MCF2L: variants seen among roughly 807,000 people sequenced by gnomAD.
MCF2L encodes the protein MCF.2 cell line derived transforming sequence like, also known as guanine nucleotide exchange factor DBS.
In MCF2L, 97 loss-of-function variants were observed where a neutral mutation model predicts 153.4. The ratio of observed to expected loss-of-function variants is 0.63; its 90% CI spans 0.54 to 0.75. The LOEUF (loss-of-function observed/expected upper bound fraction) is 0.75, where lower values mean the gene tolerates loss of function less well. MCF2L is among the 30% of genes least tolerant of loss of function. MCF2L has a pLI of 0.00. For missense variants in MCF2L, 1,347 were observed against 1,495.2 expected, an observed-to-expected ratio of 0.90 and a Z score of 1.64; for synonymous variants, 659 against 632.2, an observed-to-expected ratio of 1.04 and a Z score of -0.64.
At chr13:112,929,436 A>G (rs938902412) in intron 2 of MCF2L, among the ~76,000 whole-genome samples, 4 of 152,174 alleles carry the variant, frequency 2.6e-5, no homozygotes, top group Non-Finnish European at 5.9e-5. Context: ...GGATAAAGCC[A>G]TTTATCTTTT....
chr13:112,976,447 A>G (rs1275868089), intron 1 of MCF2L, among the ~76,000 whole-genome samples: 1 of 152,232 alleles, frequency 6.6e-6, no homozygotes, highest in African/African-American at 2.4e-5. Context: ...GAAACTTGTC[A>G]TGGACAATGA....
intron 4 of MCF2L, among the ~76,000 whole-genome samples, chr13:113,060,090 C>T (rs2141753896): frequency 6.6e-6 from 1 of 152,326 alleles, no homozygotes; most frequent in Middle Eastern, 3.4e-3. Context: ...CTCTCCTCAG[C>T]TTCTGGTCTG....
intron 1 of MCF2L, among the ~76,000 whole-genome samples, chr13:112,973,398 A>G (rs1200101299): frequency 6.6e-6 from 1 of 152,244 alleles, no homozygotes; most frequent in South Asian, 2.1e-4. Context: ...AAACATTTAA[A>G]AAACAATTAG....
chr13:113,021,784 A>C (rs1161691634), intron 2 of MCF2L, among the ~76,000 whole-genome samples: 2 of 152,120 alleles, frequency 1.3e-5, no homozygotes, highest in African/African-American at 4.8e-5. Flanking sequence ...CCTGCTTTTC[A>C]GTCTCAGTGG....
At chr13:112,962,097 A>T (rs994641107) in intron 2 of MCF2L, among the ~76,000 whole-genome samples, 2 of 21,810 alleles carry the variant, frequency 9.2e-5, no homozygotes, top group African/African-American at 2.7e-4. Flanking sequence ...CCAGGCATGC[A>T]CACACACGCA....
intron 3 of MCF2L, chr13:113,044,905 T>A: frequency 6.2e-7 from 1 of 1,611,660 alleles, no homozygotes; most frequent in South Asian, 1.1e-5. Flanking sequence ...GCCATAAGAC[T>A]GTTTTGGAGG....
chr13:113,041,473 ACAGTCAGTATGGGGGATCACG>A, intron 3 of MCF2L, among the ~76,000 whole-genome samples: 6 of 151,598 alleles, frequency 4.0e-5, no homozygotes, highest in African/African-American at 1.2e-4. Flanking sequence ...CCCCGTGACC[ACAGTCAGTATGGGGGATCACG>A]TGGCCCTGCC....
chr13:112,994,418 C>G (rs2083033358), intron 1 of MCF2L, among the ~76,000 whole-genome samples: 1 of 152,154 alleles, frequency 6.6e-6, no homozygotes. Flanking sequence ...GCCAGTGTCT[C>G]GGGCAGGGGC....
intron 2 of MCF2L, among the ~76,000 whole-genome samples, chr13:113,021,683 G>C (rs1369851876): frequency 6.6e-6 from 1 of 152,230 alleles, no homozygotes; most frequent in African/African-American, 2.4e-5. Context: ...CCTTGGTGGG[G>C]AGGGTTTCTC....
chr13:113,066,160 ACCGTGC>A lies in MCF2L; in HGVS notation c.872_877del (p.Thr291_Gln293delinsLys). 6.2e-7 allele frequency: 1 copy of A among 1,612,048 alleles called. No homozygotes were observed. Among genetic ancestry groups the A allele is most frequent in the South Asian group, 1.1e-5 (1 of 90,944 alleles). ...CCAGGACCAGCTTGACAACCAGGCC[ACCGTGC>A]AGAGGTGAGGCCCGGCTGCCTTCCT... On this transcript the variant is annotated inframe_deletion, in exon 8 of 30. Transcript: ENST00000535094.
At chr13:113,057,611 GTGCTGTGTGTT>G (rs2030345270) in intron 4 of MCF2L, among the ~76,000 whole-genome samples, 3 of 136,576 alleles carry the variant, frequency 2.2e-5, no homozygotes, top group South Asian at 2.6e-4. Flanking sequence ...GTGTGTTTGA[GTGCTGTGTGTT>G]TGGGTGCTGA....
At chr13:113,033,254 T>TGACG (rs1326878058) in intron 3 of MCF2L, among the ~76,000 whole-genome samples, 1 of 81,054 alleles carries the variant, frequency 1.2e-5, no homozygotes, top group African/African-American at 4.3e-5. Flanking sequence ...CCCCGTGACA[T>TGACG]TAGTGGACCC....
chr13:113,013,733 A>C (rs566000462), intron 1 of MCF2L, among the ~76,000 whole-genome samples: 1 of 152,326 alleles, frequency 6.6e-6, no homozygotes, highest in East Asian at 1.9e-4. Flanking sequence ...AATTGTGTGG[A>C]TGTTCAAGAC....
rs528104307 is a variant in MCF2L, at chr13:113,000,814, C to T, written c.80-13949C>T. Among the ~76,000 whole-genome samples the T allele has an allele frequency of 2.6e-5, 4 of 152,318 alleles. No homozygotes were observed. The South Asian group carries it at 6.2e-4, about 24-fold the overall frequency. On this transcript the variant is annotated intron_variant, in intron 1 of 29. Coordinates refer to ENST00000535094, the MANE Select transcript of MCF2L (RefSeq NM_001112732.3). ...TGTAAGGCTCTGCGGAGAAAGGCGC[C>T]GGAAGAGGCCGGGGCCAGCAGGGAC...
At chr13:112,944,499 T>C (rs893892591) in intron 2 of MCF2L, among the ~76,000 whole-genome samples, 28 of 151,492 alleles carry the variant, frequency 1.8e-4, no homozygotes, top group Admixed American at 8.5e-4. Flanking sequence ...GTTCCAGGAA[T>C]GCTATGCACC....
At chr13:113,019,970 C>T (rs1020997403) in intron 2 of MCF2L, among the ~76,000 whole-genome samples, 1 of 152,174 alleles carries the variant, frequency 6.6e-6, no homozygotes, top group East Asian at 1.9e-4. Flanking sequence ...TGGTTTGTTA[C>T]GGCCGCCCAG....
At chr13:112,909,401 G>A (rs1426814298) in intron 2 of MCF2L, 1 of 744,824 alleles carries the variant, frequency 1.3e-6, no homozygotes, top group Non-Finnish European at 2.5e-6. Context: ...TTGATCCCAA[G>A]GGGCTGTCTG....
intron 1 of MCF2L, among the ~76,000 whole-genome samples, chr13:113,012,166 CGGTGGACAGGCAGTGTGGAT>C (rs2084182799): frequency 1.2e-5 from 1 of 86,042 alleles, no homozygotes. Context: ...GTGATGCGGA[CGGTGGACAGGCAGTGTGGAT>C]GGTGGACAGG....
At chr13:113,094,241 G>A (rs75367635) in intron 26 of MCF2L, 4,044 of 243,884 alleles carry the variant, frequency 0.017, 59 homozygotes, top group Middle Eastern at 0.042. Flanking sequence ...TGACAAGGGC[G>A]TGGCTTCCCA....
Sources: gnomAD v4.1 joint callset for allele counts (sites outside exome capture counted in the v4.1 genomes callset) on GRCh38, gnomAD v4.1.1 for gene constraint, MANE v1.5 for transcripts, NCBI Gene and HGNC (gene_info 2026-07-23, HGNC 2026-07-21) for gene names.